The following SRSF11 variants were observed in gnomAD, a reference collection of about 807,000 sequenced individuals.
The protein encoded by SRSF11 is serine/arginine-rich splicing factor 11.
A neutral mutation model predicts 56.0 loss-of-function variants in SRSF11; 9 were observed. The observed-to-expected ratio is 0.16, with a 90% CI of 0.10 to 0.28. The LOEUF (loss-of-function observed/expected upper bound fraction) is 0.28, where lower values mean the gene tolerates loss of function less well. Among genes scored for constraint, SRSF11 ranks in the 10% least tolerant of loss-of-function variants. The probability of loss-of-function intolerance (pLI) is 1.00; values close to 1 mark genes in which losing one functional copy is unlikely to be tolerated. For missense variants in SRSF11, 421 were observed against 600.7 expected (o/e 0.70, Z 3.13); for synonymous variants, 222 against 215.3 (o/e 1.03, Z -0.27).
At position 70,252,051 on chromosome 1, in the gene SRSF11, G is replaced by A. The variant is rs1175488717; in HGVS notation, c.*1246G>A. On this transcript the variant is annotated 3_prime_UTR_variant, in exon 12 of 12. Transcript: ENST00000370949. ...TTTGTATTTATTTACGCTACTGAAT[G>A]TATGACATTTACCTCATTCATTTTA... The A allele has an allele frequency of 1.3e-5, 2 of 152,568 alleles. No homozygotes were observed. The highest frequency in any genetic ancestry group is 4.8e-5 in the African/African-American group (2 of 41,444). 9.5% of individuals were successfully genotyped at this position (152,568 alleles called of 1,614,324 possible).
rs1213702761 is a variant in SRSF11 at position 70,251,421 on chromosome 1, CTAAT to C, written c.*619_*622del. 1 of 152,424 alleles carries C rather than the reference CTAAT, an allele frequency of 6.6e-6. No homozygotes were observed. Among genetic ancestry groups the C allele is most frequent in the Admixed American group, 6.5e-5 (1 of 15,272 alleles). The allele number at this position is 152,424 out of a possible 1,614,324, so 9.4% of individuals were successfully genotyped here. ...ATTATGCACTAACCTTTTTTGGTGG[CTAAT>C]TAGGGTTTAAATACAGAAACAAGAT... is the stretch of plus-strand genomic sequence containing the variant. On this transcript the variant is annotated 3_prime_UTR_variant, in exon 12 of 12. Coordinates refer to ENST00000370949, the MANE Select transcript of SRSF11 (RefSeq NM_001350605.2).
chr1:70,230,518 G>T, intron 2 of SRSF11: 1 of 1,250,708 alleles, frequency 8.0e-7, no homozygotes, highest in Non-Finnish European at 1.0e-6. Context: ...TGTTTCTTTT[G>T]TCTGTTTCTT....
intron 2 of SRSF11, chr1:70,229,309 T>A: frequency 7.8e-7 from 1 of 1,283,310 alleles, no homozygotes; most frequent in Non-Finnish European, 1.0e-6. Flanking sequence ...CAGCAAGCAC[T>A]CAAGTGCCCC....
At chr1:70,218,564 AT>A (rs1670227195), upstream of SRSF11, 1 of 152,254 alleles carries the variant, frequency 6.6e-6, no homozygotes, top group African/African-American at 2.4e-5. Flanking sequence ...GTAGAGTCAT[AT>A]AAAAGATTTA....
chr1:70,251,173 G>A lies in SRSF11; in HGVS notation c.*368G>A, dbSNP rs557794954. On this transcript the variant is annotated 3_prime_UTR_variant, in exon 12 of 12. Transcript: ENST00000370949. ...TATTTCTATAATTTGATTCATTGCC[G>A]TAATAGAGCCATGTAGGAAATGCAC... The A allele has an allele frequency of 1.5e-4, 27 of 181,102 alleles. No individual in the cohort carries two copies. In the East Asian group the frequency reaches 3.1e-3, roughly 21 times the overall value. 11.2% of individuals were successfully genotyped at this position (181,102 alleles called of 1,614,324 possible).
intron 9 of SRSF11, among the ~76,000 whole-genome samples, chr1:70,247,418 T>C (rs1381996265): frequency 6.6e-6 from 1 of 152,146 alleles, no homozygotes; most frequent in Non-Finnish European, 1.5e-5. Context: ...ATACTTAATT[T>C]GGGATTTATA....
At chr1:70,234,356 C>T (rs889852390) in intron 3 of SRSF11, among the ~76,000 whole-genome samples, 1 of 152,154 alleles carries the variant, frequency 6.6e-6, no homozygotes, top group Admixed American at 6.5e-5. Context: ...AAAATCAGCA[C>T]AAGAATATGT....
At chr1:70,208,325 G>GGTGTGTGTGTGTGTGTGT (rs112343589) in intron 1 of SRSF11, among the ~76,000 whole-genome samples, 26 of 148,744 alleles carry the variant, frequency 1.7e-4, no homozygotes, top group Admixed American at 1.7e-3. Context: ...TACAGTGTAT[G>GGTGTGTGTGTGTGTGTGT]GTGTGTGTGT....
chr1:70,224,427 A>G (rs1671329265), intron 1 of SRSF11, among the ~76,000 whole-genome samples: 1 of 152,140 alleles, frequency 6.6e-6, no homozygotes, highest in African/African-American at 2.4e-5. Context: ...ATTCTCCTTA[A>G]CACTACTTTT....
At chr1:70,234,608 A>G in intron 3 of SRSF11, 88 bp from the exon 4 acceptor site, 2 of 1,052,094 alleles carry the variant, frequency 1.9e-6, no homozygotes, top group Non-Finnish European at 2.7e-6. Context: ...TCAAGTTGTT[A>G]TCTGACCCTT....
chr1:70,213,061 A>T (rs898318752), intron 1 of SRSF11, among the ~76,000 whole-genome samples: 5 of 152,158 alleles, frequency 3.3e-5, no homozygotes, highest in African/African-American at 7.2e-5. Flanking sequence ...TCAAAAAAAA[A>T]TTTAAAAAGA....
At chr1:70,234,194 TAGTC>T (rs753432533) in intron 3 of SRSF11, among the ~76,000 whole-genome samples, 19 of 152,100 alleles carry the variant, frequency 1.2e-4, no homozygotes, top group Non-Finnish European at 1.9e-4. Flanking sequence ...GCCCCTTTCT[TAGTC>T]AGTGTCCTTC....
intron 1 of SRSF11, among the ~76,000 whole-genome samples, chr1:70,226,905 G>A (rs1398287760): frequency 2.6e-5 from 4 of 152,210 alleles, no homozygotes; most frequent in African/African-American, 9.6e-5. Flanking sequence ...TTTTATAGCA[G>A]CAGTGTTTCA....
intron 1 of SRSF11, among the ~76,000 whole-genome samples, chr1:70,224,210 G>GT (rs1558161575): frequency 6.6e-6 from 1 of 152,084 alleles, no homozygotes; most frequent in Admixed American, 6.5e-5. Context: ...TGTGGATTTT[G>GT]TTATCTGCAG....
At position 70,237,534 on chromosome 1, in the gene SRSF11, T is replaced by G. The variant is rs1398988618; in HGVS notation, c.700T>G (p.Ser234Ala). 4 of 1,613,540 alleles carry G rather than the reference T, an allele frequency of 2.5e-6. No individual in the cohort carries two copies. The highest frequency in any genetic ancestry group is 2.2e-5 in the South Asian group (2 of 90,814). Residue 234 changes from serine to alanine, a missense_variant, in exon 6 of 12, where the codon TCT becomes GCT. Physicochemically the swap from Ser to Ala is moderately conservative, Grantham distance 99. This residue lies in a region of SRSF11 where 253 missense variants were observed against 305.8 expected (regional missense o/e 0.83). Coordinates refer to ENST00000370949, the MANE Select transcript of SRSF11 (RefSeq NM_001350605.2). ...KRVREAQSLI[S>A]AAIEPDKKEE... ...AGTACGAGAAGCACAGTCCCTAATT[T>G]CTGCTGCTATAGAACCAGGTAAACA...
At chr1:70,235,371 G>T in intron 4 of SRSF11, 130 bp from the exon 5 acceptor site, 7 of 702,836 alleles carry the variant, frequency 1.0e-5, no homozygotes, top group Non-Finnish European at 1.2e-5. Flanking sequence ...TTTTTAATGT[G>T]GCTACTAAAA....
chr1:70,223,288 T>C (rs1001939146), intron 1 of SRSF11, among the ~76,000 whole-genome samples: 4 of 152,206 alleles, frequency 2.6e-5, no homozygotes, highest in African/African-American at 9.6e-5. Flanking sequence ...AATTTTGTTA[T>C]GGTTGCTGAC....
chr1:70,230,999 C>A, intron 2 of SRSF11: 1 of 1,279,480 alleles, frequency 7.8e-7, no homozygotes, highest in Non-Finnish European at 1.0e-6. Context: ...GTGTAGTATA[C>A]ATTTGTTTAT....
At chr1:70,242,556 G>A (rs745804454) in intron 7 of SRSF11, among the ~76,000 whole-genome samples, 7 of 151,308 alleles carry the variant, frequency 4.6e-5, no homozygotes, top group Admixed American at 2.0e-4. Flanking sequence ...TGCCCACCTC[G>A]GCCTCCCAAA....
Sources: gnomAD v4.1 joint callset for allele counts (sites outside exome capture counted in the v4.1 genomes callset) on GRCh38, gnomAD v4.1.1 for gene constraint, gnomAD v4.1.1 regional missense constraint, MANE v1.5 for transcripts, NCBI Gene and HGNC (gene_info 2026-07-23, HGNC 2026-07-21) for gene names.